Variants in CHCHD6 observed in about 807,000 individuals in gnomAD.
CHCHD6 encodes coiled-coil-helix-coiled-coil-helix domain containing 6.
CHCHD6 carries 28 observed loss-of-function variants against 32.3 expected under a neutral mutation model. The ratio of observed to expected loss-of-function variants is 0.87; its 90% CI spans 0.64 to 1.19. The LOEUF (loss-of-function observed/expected upper bound fraction) is 1.19. Ranked by LOEUF, CHCHD6 falls within the 50% of genes most tolerant of loss-of-function variation. The pLI is 0.00. For missense variants in CHCHD6, 333 were observed against 307.0 expected (o/e 1.08, Z -0.63); for synonymous variants, 122 against 117.5 (o/e 1.04, Z -0.25).
chr3:126,716,548 T>G (rs996880463), intron 1 of CHCHD6, among the ~76,000 whole-genome samples: 1 of 152,000 alleles, frequency 6.6e-6, no homozygotes, highest in Non-Finnish European at 1.5e-5. Context: ...TGTCATATCT[T>G]TATATACTCC....
chr3:126,715,522 C>T (rs973002103), intron 1 of CHCHD6, among the ~76,000 whole-genome samples: 2 of 152,152 alleles, frequency 1.3e-5, no homozygotes, highest in Non-Finnish European at 2.9e-5. Flanking sequence ...ACCTGGCCTG[C>T]CCCTAGGCTC....
chr3:126,803,806 G>C (rs1335493124), intron 4 of CHCHD6, among the ~76,000 whole-genome samples: 1 of 152,044 alleles, frequency 6.6e-6, no homozygotes, highest in Non-Finnish European at 1.5e-5. Context: ...TGACCACATA[G>C]TTGGAAGTAA....
chr3:126,831,151 G>A (rs985282566), intron 4 of CHCHD6, among the ~76,000 whole-genome samples: 2 of 152,022 alleles, frequency 1.3e-5, no homozygotes, highest in Admixed American at 1.3e-4. Flanking sequence ...AGCCTCCCGT[G>A]TAGCTGGGAC....
At chr3:126,756,581 G>C (rs1369991437) in intron 4 of CHCHD6, among the ~76,000 whole-genome samples, 2 of 152,170 alleles carry the variant, frequency 1.3e-5, no homozygotes, top group Non-Finnish European at 2.9e-5. Context: ...CACACCATAG[G>C]CTGGTGGTCC....
intron 4 of CHCHD6, among the ~76,000 whole-genome samples, chr3:126,806,813 G>C (rs530845784): frequency 1.3e-5 from 2 of 152,076 alleles, no homozygotes; most frequent in Non-Finnish European, 2.9e-5. Flanking sequence ...GTCCAACAAT[G>C]ATAGACTGGA....
chr3:126,913,260 A>T, intron 5 of CHCHD6, among the ~76,000 whole-genome samples: 79 of 69,038 alleles, frequency 1.1e-3, no homozygotes, highest in African/African-American at 3.5e-3. Context: ...ACGGAGTTTC[A>T]CTTTTGTCGC....
chr3:126,719,208 G>A (rs967405236), intron 1 of CHCHD6, among the ~76,000 whole-genome samples: 3 of 152,184 alleles, frequency 2.0e-5, no homozygotes, highest in African/African-American at 7.2e-5. Context: ...CTGGCCTGCC[G>A]GCCTTCTGTG....
intron 4 of CHCHD6, among the ~76,000 whole-genome samples, chr3:126,744,699 T>C (rs1936419587): frequency 6.6e-6 from 1 of 152,016 alleles, no homozygotes; most frequent in Non-Finnish European, 1.5e-5. Context: ...ATTTTTTTTT[T>C]CTCCCCGAGA....
intron 4 of CHCHD6, among the ~76,000 whole-genome samples, chr3:126,771,622 T>C (rs558810837): frequency 9.8e-5 from 15 of 152,356 alleles, no homozygotes; most frequent in African/African-American, 3.6e-4. Context: ...GTATGGTTTT[T>C]AATGTCTCAA....
At chr3:126,879,470 CTAA>C (rs1361562065) in intron 5 of CHCHD6, among the ~76,000 whole-genome samples, 2 of 152,152 alleles carry the variant, frequency 1.3e-5, no homozygotes, top group African/African-American at 2.4e-5. Flanking sequence ...TTACCTGAAT[CTAA>C]TAATAAGAAA....
chr3:126,890,027 C>T (rs1316187683), intron 5 of CHCHD6, among the ~76,000 whole-genome samples: 2 of 152,232 alleles, frequency 1.3e-5, no homozygotes, highest in African/African-American at 4.8e-5. Flanking sequence ...GCCATCCTTT[C>T]TCCTGTGGGC....
At chr3:126,954,068 T>C (rs1576647471) in intron 6 of CHCHD6, among the ~76,000 whole-genome samples, 1 of 152,214 alleles carries the variant, frequency 6.6e-6, no homozygotes, top group Non-Finnish European at 1.5e-5. Flanking sequence ...CCCTGTCTTA[T>C]CCCATTCAGA....
At chr3:126,750,737 G>A (rs548446426) in intron 4 of CHCHD6, among the ~76,000 whole-genome samples, 1 of 152,350 alleles carries the variant, frequency 6.6e-6, no homozygotes, top group Admixed American at 6.5e-5. Context: ...AATTCCTTTT[G>A]CAATGAGCCT....
chr3:126,739,359 G>A (rs1442270446), intron 4 of CHCHD6, among the ~76,000 whole-genome samples: 1 of 152,046 alleles, frequency 6.6e-6, no homozygotes, highest in African/African-American at 2.4e-5. Context: ...TGTTGTTGTT[G>A]TTACAACCCT....
chr3:126,913,741 C>G (rs2078129412), intron 5 of CHCHD6, among the ~76,000 whole-genome samples: 1 of 152,236 alleles, frequency 6.6e-6, no homozygotes, highest in South Asian at 2.1e-4. Context: ...CCACCTGGAG[C>G]ACGGCAGGAG....
rs575773401 is a variant in CHCHD6 at position 126,930,855 on chromosome 3, C to T, written c.566+16105C>T. 2.0e-5 allele frequency among the ~76,000 whole-genome samples: 3 copies of T among 152,338 alleles called. No homozygotes were observed. In the South Asian group the frequency reaches 6.2e-4, roughly 32 times the overall value. The stretch of plus-strand genomic sequence containing the variant: ...CCCATTCTAGCTCAGCCACACCCAG[C>T]ACCTCCCATTTCATCTCTGTACAGC... On this transcript the variant is annotated intron_variant, in intron 6 of 7. Coordinates refer to ENST00000290913, the MANE Select transcript of CHCHD6 (RefSeq NM_032343.3).
At chr3:126,767,293 G>A in intron 4 of CHCHD6, 1 of 1,165,412 alleles carries the variant, frequency 8.6e-7, no homozygotes, top group Non-Finnish European at 1.3e-6. Context: ...GCCCCATCTT[G>A]TTCTCCCCAA....
chr3:126,956,552 G>A (rs1397636742), intron 6 of CHCHD6, among the ~76,000 whole-genome samples: 1 of 98,360 alleles, frequency 1.0e-5, no homozygotes, highest in Non-Finnish European at 2.8e-5. Flanking sequence ...ACAGCACCTG[G>A]CTGGCAGGGA....
chr3:126,880,342 C>T (rs1245011090), intron 5 of CHCHD6, among the ~76,000 whole-genome samples: 1 of 152,068 alleles, frequency 6.6e-6, no homozygotes, highest in Non-Finnish European at 1.5e-5. Context: ...CTGCCAGGCC[C>T]ACACATGCCT....
Sources: allele counts gnomAD v4.1 joint callset (sites outside exome capture counted in the v4.1 genomes callset), GRCh38; gene constraint gnomAD v4.1.1; transcripts MANE v1.5; gene names NCBI Gene and HGNC (gene_info 2026-07-23, HGNC 2026-07-21).